Variants in AGTPBP1 observed in about 807,000 individuals in gnomAD.
AGTPBP1 encodes the protein cytosolic carboxypeptidase 1.
Under a neutral mutation model 143.9 loss-of-function variants are expected in AGTPBP1, and 70 were observed. The observed-to-expected ratio is 0.49, with a 90% CI of 0.40 to 0.59. The LOEUF is 0.59. Ranked by LOEUF, AGTPBP1 falls within the 20% of genes least tolerant of loss-of-function variation. AGTPBP1 has a pLI of 0.00. For synonymous variants in AGTPBP1, 463 were observed against 500.2 expected (o/e 0.93, Z 0.99); for missense variants, 1,229 against 1,464.5 (o/e 0.84, Z 2.62).
chr9:85,712,404 T>A, intron 2 of AGTPBP1, 98 bp downstream of exon 2: 1 of 579,584 alleles, frequency 1.7e-6, no homozygotes. Context: ...ATATTATACT[T>A]AAACACAAAT....
At position 85,575,343 on chromosome 9, in the gene AGTPBP1, A is replaced by G. The variant is rs776780066; in HGVS notation, c.3475T>C (p.Leu1159=). ...GTTACTTTGCAGCTTGATTCAATTAAATCATTTTCAAAGTCAAGCAGGCTG... is the reference window on the plus strand; with the variant it reads ...GTTACTTTGCAGCTTGATTCAATTAGATCATTTTCAAAGTCAAGCAGGCTG... ...PSSLLDFEND[L]IESSCKVTSP... The change falls in exon 25 of 26, where the codon TTA becomes CTA. Residue 1159 remains leucine (L), a synonymous_variant. Coordinates refer to ENST00000357081, the MANE Select transcript of AGTPBP1 (RefSeq NM_001330701.2). 10 of 1,598,716 alleles carry G rather than the reference A, an allele frequency of 6.3e-6. No homozygotes were observed. The highest frequency in any genetic ancestry group is 1.3e-5 in the African/African-American group (1 of 74,128).
the AGTPBP1 span, among the ~76,000 whole-genome samples, chr9:85,782,194 T>TG: frequency 4.5e-4 from 68 of 152,068 alleles, no homozygotes; most frequent in African/African-American, 1.6e-3. Context: ...GGAGGAGCAA[T>TG]GAAGTGATAT....
At chr9:85,697,097 TACTAA>T (rs1277905726) in intron 2 of AGTPBP1, among the ~76,000 whole-genome samples, 1 of 152,222 alleles carries the variant, frequency 6.6e-6, no homozygotes, top group Non-Finnish European at 1.5e-5. Context: ...CTAAAAAGGC[TACTAA>T]AGTACTCCTT....
At chr9:85,765,175 A>G in the AGTPBP1 span, 7 of 312,558 alleles carry the variant, frequency 2.2e-5, no homozygotes, top group Non-Finnish European at 4.2e-5. Context: ...GGAAACTATT[A>G]ATTTCCTTGA....
intron 2 of AGTPBP1, among the ~76,000 whole-genome samples, chr9:85,702,718 T>C (rs776386286): frequency 3.3e-5 from 5 of 152,046 alleles, no homozygotes; most frequent in Non-Finnish European, 7.4e-5. Flanking sequence ...TTTTCCTCGA[T>C]TGGTAACTTG....
chr9:85,672,700 G>C lies in AGTPBP1; in HGVS notation c.437-19C>G, dbSNP rs772688444. On this transcript the variant is annotated intron_variant, in intron 6 of 25. Coordinates refer to ENST00000357081, the MANE Select transcript of AGTPBP1 (RefSeq NM_001330701.2). Reference sequence around the variant, plus strand: ...TTTTTATCTGTTTAAAAAAAAAAAAGACAATTTATGCACATACAACTTTTC... The same window carrying C: ...TTTTTATCTGTTTAAAAAAAAAAAACACAATTTATGCACATACAACTTTTC... 2.3e-5 allele frequency: 32 copies of C among 1,399,712 alleles called. No individual in the cohort carries two copies. The highest frequency in any genetic ancestry group is 2.8e-5 in the Non-Finnish European group (29 of 1,020,274). The allele number at this position is 1,399,712 out of a possible 1,614,324, so 86.7% of individuals were successfully genotyped here.
intron 1 of AGTPBP1, among the ~76,000 whole-genome samples, chr9:85,719,645 C>T (rs1587972782): frequency 6.6e-6 from 1 of 151,970 alleles, no homozygotes; most frequent in African/African-American, 2.4e-5. Flanking sequence ...AACTGAATAC[C>T]CACTATTTCT....
chr9:85,708,255 C>G (rs998739694), intron 2 of AGTPBP1, among the ~76,000 whole-genome samples: 1 of 152,050 alleles, frequency 6.6e-6, no homozygotes, highest in Non-Finnish European at 1.5e-5. Context: ...ATCCTCTTGC[C>G]TTCCCCTTAA....
At chr9:85,759,550 A>G in the AGTPBP1 span, among the ~76,000 whole-genome samples, 1 of 152,204 alleles carries the variant, frequency 6.6e-6, no homozygotes, top group Non-Finnish European at 1.5e-5. Context: ...GAAGGCAGAA[A>G]TAAAGATGTT....
chr9:85,679,722 T>C (rs1441182398), intron 4 of AGTPBP1, among the ~76,000 whole-genome samples: 3 of 152,246 alleles, frequency 2.0e-5, no homozygotes, highest in African/African-American at 7.2e-5. Flanking sequence ...ACTGAAGAAG[T>C]TCTTTACATG....
chr9:85,578,313 TAA>T (rs1191091738), intron 24 of AGTPBP1, among the ~76,000 whole-genome samples: 2 of 152,178 alleles, frequency 1.3e-5, no homozygotes, highest in Non-Finnish European at 1.5e-5. Context: ...GATATGTATT[TAA>T]AAGTCACACA....
intron 7 of AGTPBP1, among the ~76,000 whole-genome samples, chr9:85,671,759 T>C (rs1834494880): frequency 6.6e-6 from 1 of 152,216 alleles, no homozygotes; most frequent in Non-Finnish European, 1.5e-5. Flanking sequence ...ACATTTTATC[T>C]GAGTCTGTCT....
chr9:85,748,937 G>A, the AGTPBP1 span, among the ~76,000 whole-genome samples: 1 of 148,876 alleles, frequency 6.7e-6, no homozygotes, highest in African/African-American at 2.5e-5. Context: ...TCAAAGAGTA[G>A]AAGTCTGCTG....
At chr9:85,682,333 T>C (rs190059391) in intron 3 of AGTPBP1, among the ~76,000 whole-genome samples, 2 of 152,254 alleles carry the variant, frequency 1.3e-5, no homozygotes, top group Admixed American at 6.5e-5. Flanking sequence ...CATAGCTACA[T>C]TATGTCATTT....
In AGTPBP1 at chr9:85,628,917, G is replaced by T. The variant is rs1362249906; in HGVS notation, c.2015+3745C>A. ...TTTTTAGTAGAGACAGGGTTTTACT[G>T]TGTTGGCCAGGATGGTCTCAATCTC... On this transcript the variant is annotated intron_variant, in intron 14 of 25. Coordinates refer to ENST00000357081, the MANE Select transcript of AGTPBP1 (RefSeq NM_001330701.2). Among the ~76,000 whole-genome samples, 4 of 152,040 alleles carry T rather than the reference G, an allele frequency of 2.6e-5. No individual in the cohort carries two copies. In the East Asian group the frequency reaches 7.8e-4, roughly 30 times the overall value.
At chr9:85,745,300 T>A (rs1281881969), upstream of AGTPBP1, among the ~76,000 whole-genome samples, 3 of 152,222 alleles carry the variant, frequency 2.0e-5, no homozygotes, top group Non-Finnish European at 4.4e-5. Flanking sequence ...AGAACATAAA[T>A]GTTAGGAGAG....
chr9:85,798,330 G>A, the AGTPBP1 span, among the ~76,000 whole-genome samples: 1 of 151,026 alleles, frequency 6.6e-6, no homozygotes, highest in Admixed American at 6.6e-5. Context: ...ATGTTTTCTG[G>A]CTTTCTGTAC....
intron 23 of AGTPBP1, among the ~76,000 whole-genome samples, chr9:85,580,016 T>A (rs1332786283): frequency 6.6e-6 from 1 of 151,852 alleles, no homozygotes; most frequent in East Asian, 1.9e-4. Flanking sequence ...GGCAGGTGGA[T>A]CATGAGGTCA....
rs771954534 is a variant in AGTPBP1, at chr9:85,633,214, C to T, written c.1463G>A (p.Gly488Asp). Residue 488 changes from glycine (G) to aspartate (D), a missense_variant, in exon 14 of 26, where the codon GGT becomes GAT. Gly to Asp is a moderately conservative substitution (Grantham distance 94, BLOSUM62 -1). This residue lies in a region of AGTPBP1 where 743 missense variants were observed against 812.2 expected (regional missense o/e 0.91). Transcript: ENST00000357081. ...KENISSKGDEGEKKSTFMDLA... is the reference protein window; with the variant it reads ...KENISSKGDEDEKKSTFMDLA... ...ATCCATAAAGGTAGACTTCTTTTCA[C>T]CTTCATCTCCTTTAGAAGATATGTT... 6.2e-7 allele frequency: 1 copy of T among 1,613,518 alleles called. No individual in the cohort carries two copies. The highest frequency in any genetic ancestry group is 2.2e-5 in the East Asian group (1 of 44,854).
Sources: gnomAD v4.1 joint callset for allele counts (sites outside exome capture counted in the v4.1 genomes callset) on GRCh38, gnomAD v4.1.1 for gene constraint, gnomAD v4.1.1 regional missense constraint, MANE v1.5 for transcripts, NCBI Gene and HGNC (gene_info 2026-07-23, HGNC 2026-07-21) for gene names.